IMMP2L: variants seen among roughly 807,000 people sequenced by gnomAD.
IMMP2L encodes the protein mitochondrial inner membrane protease subunit 2.
IMMP2L carries 18 observed loss-of-function variants against 19.3 expected under a neutral mutation model. That is an observed-to-expected ratio of 0.93 (90% CI 0.64 to 1.38). IMMP2L has a LOEUF of 1.38. Ranked by LOEUF, IMMP2L falls within the 40% of genes most tolerant of loss-of-function variation. The probability of loss-of-function intolerance (pLI) is 0.00; values close to 1 mark genes in which losing one functional copy is unlikely to be tolerated. For synonymous variants in IMMP2L, 76 were observed against 73.0 expected (o/e 1.04, Z -0.21); for missense variants, 233 against 218.2 (o/e 1.07, Z -0.43).
rs529215260 is a variant in IMMP2L at position 110,755,573 on chromosome 7, C to G, written c.409-91852G>C. The stretch of plus-strand genomic sequence containing the variant: ...GAGCACTGTACAAGGCATAGGGATA[C>G]AGAGATTTAAAAAATGTCTCTTCTC... On this transcript the variant is annotated intron_variant, in intron 5 of 5. Coordinates refer to ENST00000405709, the MANE Select transcript of IMMP2L (RefSeq NM_032549.4). Among the ~76,000 whole-genome samples, 4 of 152,208 alleles carry G rather than the reference C, an allele frequency of 2.6e-5. No homozygotes were observed. In the South Asian group the frequency reaches 8.3e-4, roughly 32 times the overall value.
At position 111,017,063 on chromosome 7, in the gene IMMP2L, G is replaced by C. The variant is rs143628030; in HGVS notation, c.240-53498C>G. Among the ~76,000 whole-genome samples, 387 of 140,368 alleles carry C rather than the reference G, an allele frequency of 2.8e-3. 4 individuals carry two copies. The highest frequency in any genetic ancestry group is 9.9e-3 in the African/African-American group (369 of 37,298). The allele number at this position is 140,368 out of a possible 152,430, so 92.1% of individuals were successfully genotyped here. On this transcript the variant is annotated intron_variant, in intron 3 of 5. Transcript: ENST00000405709. ...TCATATTGCATTTTTTAATATATGT[G>C]CCTTTATTTATTTATTTATTTATTT...
At position 111,502,093 on chromosome 7, in the gene IMMP2L, C is replaced by T. The variant is rs544169659; in HGVS notation, c.136-14752G>A. On this transcript the variant is annotated intron_variant, in intron 2 of 5. Coordinates refer to ENST00000405709, the MANE Select transcript of IMMP2L (RefSeq NM_032549.4). ...GAAACCCATCTCACGTGCAGAGACACACATAGGCTCAAAATAAAGGGATGG... is the reference window on the plus strand; with the variant it reads ...GAAACCCATCTCACGTGCAGAGACATACATAGGCTCAAAATAAAGGGATGG... Among the ~76,000 whole-genome samples, 7 of 152,160 alleles carry T rather than the reference C, an allele frequency of 4.6e-5. No individual in the cohort carries two copies. In the South Asian group the frequency reaches 1.5e-3, roughly 32 times the overall value.
chr7:111,295,469 A>C (rs1450235941), intron 3 of IMMP2L, among the ~76,000 whole-genome samples: 1 of 151,922 alleles, frequency 6.6e-6, no homozygotes, highest in Admixed American at 6.6e-5. Flanking sequence ...TTAAGAGTGC[A>C]GGTTTCCCTT....
intron 3 of IMMP2L, among the ~76,000 whole-genome samples, chr7:111,229,339 T>C (rs564705868): frequency 6.6e-6 from 1 of 152,214 alleles, no homozygotes; most frequent in Non-Finnish European, 1.5e-5. Flanking sequence ...GTGATACGTA[T>C]GTATCCATTG....
intron 5 of IMMP2L, among the ~76,000 whole-genome samples, chr7:110,679,690 G>C (rs1347377356): frequency 1.3e-5 from 2 of 152,122 alleles, no homozygotes; most frequent in Admixed American, 1.3e-4. Context: ...TGTTCATCTG[G>C]GTGGCTATCT....
rs1179135493 is a variant in IMMP2L, at chr7:110,870,021, T to C, written c.408+16572A>G. Among the ~76,000 whole-genome samples the C allele has an allele frequency of 6.6e-6, 1 of 152,146 alleles. No homozygotes were observed. The highest frequency in any genetic ancestry group is 1.5e-5 in the Non-Finnish European group (1 of 68,022). On this transcript the variant is annotated intron_variant, in intron 5 of 5. Coordinates refer to ENST00000405709, the MANE Select transcript of IMMP2L (RefSeq NM_032549.4). The surrounding 1 kb of genome is among the most constrained non-coding windows in gnomAD (Gnocchi z 4.2). ...TGGTGTCCCCAGATATTTCTACCAT[T>C]CTACCCCTCCTCCTAGTTTCAGCCA...
intron 1 of IMMP2L, among the ~76,000 whole-genome samples, chr7:111,558,958 C>T (rs1356378496): frequency 6.6e-6 from 1 of 151,942 alleles, no homozygotes; most frequent in Non-Finnish European, 1.5e-5. Flanking sequence ...CAAAAGCCAC[C>T]AAAGATAGAA....
At position 110,945,175 on chromosome 7, in the gene IMMP2L, G is replaced by C. The variant is rs191338521; in HGVS notation, c.305+18325C>G. Among the ~76,000 whole-genome samples, 200 of 152,046 alleles carry C rather than the reference G, an allele frequency of 1.3e-3. 1 individual carries two copies. The highest frequency in any genetic ancestry group is 3.7e-3 in the African/African-American group (153 of 41,534). On this transcript the variant is annotated intron_variant, in intron 4 of 5. Transcript: ENST00000405709. ...GAGAATGTGGCTGGAGGGATACTCC[G>C]AGGCCAGATTGTGAGGGGCCGCATC...
At chr7:111,078,427 T>C (rs770702892) in intron 3 of IMMP2L, among the ~76,000 whole-genome samples, 1 of 152,216 alleles carries the variant, frequency 6.6e-6, no homozygotes, top group Non-Finnish European at 1.5e-5. Context: ...CTGCATTATC[T>C]GCATTATTCA....
At chr7:111,084,546 A>G (rs1796152041) in intron 3 of IMMP2L, among the ~76,000 whole-genome samples, 1 of 152,176 alleles carries the variant, frequency 6.6e-6, no homozygotes. Flanking sequence ...TGAAAGTAGT[A>G]ATTACATAGT....
intron 3 of IMMP2L, among the ~76,000 whole-genome samples, chr7:110,988,524 G>C (rs1585611488): frequency 6.6e-6 from 1 of 152,190 alleles, no homozygotes; most frequent in South Asian, 2.1e-4. Flanking sequence ...GAAAAGGAAA[G>C]CACCGACTCT....
chr7:111,545,471 A>G (rs1027512065), intron 1 of IMMP2L, among the ~76,000 whole-genome samples: 1 of 152,002 alleles, frequency 6.6e-6, no homozygotes, highest in Admixed American at 6.6e-5. Context: ...GCTCACCGCA[A>G]CCTCTGCCTC....
At chr7:111,165,448 T>C (rs573982470) in intron 3 of IMMP2L, among the ~76,000 whole-genome samples, 8 of 152,052 alleles carry the variant, frequency 5.3e-5, no homozygotes, top group Admixed American at 1.3e-4. Context: ...AGAAGTGGAA[T>C]TGCTGGATCA....
chr7:110,881,169 G>A (rs1190578713), intron 5 of IMMP2L, among the ~76,000 whole-genome samples: 1 of 152,090 alleles, frequency 6.6e-6, no homozygotes, highest in Non-Finnish European at 1.5e-5. Flanking sequence ...ATTTCTTGGT[G>A]TTGAACACAG....
At chr7:111,415,732 C>T (rs947631115) in intron 3 of IMMP2L, among the ~76,000 whole-genome samples, 5 of 151,672 alleles carry the variant, frequency 3.3e-5, no homozygotes, top group Non-Finnish European at 7.4e-5. Context: ...GAATAAAATG[C>T]AACAACAAAT....
chr7:111,036,237 C>T (rs1341879118), intron 3 of IMMP2L, among the ~76,000 whole-genome samples: 1 of 152,016 alleles, frequency 6.6e-6, no homozygotes, highest in East Asian at 1.9e-4. Flanking sequence ...ACCTTTCCTC[C>T]GAAACCTTCC....
intron 3 of IMMP2L, among the ~76,000 whole-genome samples, chr7:111,062,758 C>G (rs968133340): frequency 6.6e-6 from 1 of 152,202 alleles, no homozygotes; most frequent in African/African-American, 2.4e-5. Flanking sequence ...TCCAGCAGAG[C>G]AGTCACATCT....
intron 5 of IMMP2L, among the ~76,000 whole-genome samples, chr7:110,746,192 A>G (rs1055626977): frequency 6.6e-6 from 1 of 152,224 alleles, no homozygotes; most frequent in African/African-American, 2.4e-5. Flanking sequence ...GATCAATGCA[A>G]CAAGAAGAGC....
At chr7:111,295,061 T>C (rs1247123397) in intron 3 of IMMP2L, among the ~76,000 whole-genome samples, 1 of 151,922 alleles carries the variant, frequency 6.6e-6, no homozygotes, top group East Asian at 1.9e-4. Context: ...TCAAACTGCA[T>C]ATTACAGCAT....
Sources: allele counts gnomAD v4.1 joint callset (sites outside exome capture counted in the v4.1 genomes callset), GRCh38; gene constraint gnomAD v4.1.1; non-coding constraint Gnocchi (gnomAD v3.1); transcripts MANE v1.5; gene names NCBI Gene and HGNC (gene_info 2026-07-23, HGNC 2026-07-21).